UBA6: variants seen among roughly 807,000 people sequenced by gnomAD.
UBA6 encodes the protein ubiquitin-like modifier-activating enzyme 6.
Under a neutral mutation model 148.3 loss-of-function variants are expected in UBA6, and 87 were observed. The observed-to-expected ratio is 0.59, with a 90% CI of 0.49 to 0.70. The LOEUF (loss-of-function observed/expected upper bound fraction) is 0.70. UBA6 is among the 30% of genes least tolerant of loss of function. The probability of loss-of-function intolerance (pLI) is 0.00; values close to 1 mark genes in which losing one functional copy is unlikely to be tolerated. For synonymous variants in UBA6, 376 were observed against 401.0 expected (o/e 0.94, Z 0.75); for missense variants, 1,186 against 1,241.2 (o/e 0.96, Z 0.67).
At chr4:67,628,961 A>G in intron 27 of UBA6, 110 bp downstream of exon 27, 1 of 758,644 alleles carries the variant, frequency 1.3e-6, no homozygotes. Context: ...TGCACTGACA[A>G]GAGCAAGAGC....
Position 67,638,620 on chromosome 4 carries a change from C to T in UBA6, c.1736+323G>A, listed in dbSNP as rs182483468. Among the ~76,000 whole-genome samples, 410 of 152,120 alleles carry T rather than the reference C, an allele frequency of 2.7e-3. 1 individual carries two copies. Among genetic ancestry groups the T allele is most frequent in the Non-Finnish European group, 3.7e-3 (249 of 67,996 alleles). ...CCCCAAAGTATTAAAAATAGCTTTA[C>T]AATTCAGAAAAAACAAAAGACAGCC... is the stretch of plus-strand genomic sequence containing the variant. On this transcript the variant is annotated intron_variant, in intron 19 of 32. Coordinates refer to ENST00000322244, the MANE Select transcript of UBA6 (RefSeq NM_018227.6).
In UBA6 at chr4:67,630,458, T is replaced by C; in HGVS notation, c.2328+8A>G. On this transcript the variant is annotated splice_region_variant and intron_variant, in intron 26 of 32. Coordinates refer to ENST00000322244, the MANE Select transcript of UBA6 (RefSeq NM_018227.6). ...GCATCACTTGCTAAGGCTTAAAGAA[T>C]ATCTTACCTCTTCTGCAAATGGAAT... is the stretch of plus-strand genomic sequence containing the variant. 3.8e-6 allele frequency: 6 copies of C among 1,577,074 alleles called. No individual in the cohort carries two copies. The highest frequency in any genetic ancestry group is 5.2e-6 in the Non-Finnish European group (6 of 1,159,408).
intron 13 of UBA6, among the ~76,000 whole-genome samples, chr4:67,657,540 G>T (rs1729729903): frequency 6.6e-6 from 1 of 152,120 alleles, no homozygotes; most frequent in East Asian, 1.9e-4. Flanking sequence ...ATGGATTAAA[G>T]AATTAAATGT....
rs926932135 is a variant in UBA6 at position 67,616,855 on chromosome 4, T to C, written c.*2142A>G. On this transcript the variant is annotated 3_prime_UTR_variant, in exon 33 of 33. Transcript: ENST00000322244. ...ATAAGTAAAAAATACTCATTGAAACTGTACAAAAATCAAATCATTAATTTT... is the reference window on the plus strand; with the variant it reads ...ATAAGTAAAAAATACTCATTGAAACCGTACAAAAATCAAATCATTAATTTT... 1.3e-5 allele frequency: 2 copies of C among 152,150 alleles called. No homozygotes were observed. Among genetic ancestry groups the C allele is most frequent in the African/African-American group, 4.8e-5 (2 of 41,456 alleles). 9.4% of individuals were successfully genotyped at this position (152,150 alleles called of 1,614,324 possible).
intron 18 of UBA6, 37 bp from the exon 19 acceptor site, chr4:67,639,161 C>T: frequency 6.6e-7 from 1 of 1,513,540 alleles, no homozygotes; most frequent in Non-Finnish European, 8.9e-7. Context: ...ATATGTTAAA[C>T]AACAAAAAAA....
intron 26 of UBA6, among the ~76,000 whole-genome samples, chr4:67,629,563 A>C (rs535061884): frequency 3.9e-5 from 6 of 152,122 alleles, no homozygotes; most frequent in Non-Finnish European, 8.8e-5. Flanking sequence ...TCATACCTTA[A>C]GAAGGAGGGA....
In UBA6 at chr4:67,691,917, G is replaced by A. The variant is rs537763540; in HGVS notation, c.134+4728C>T. On this transcript the variant is annotated intron_variant, in intron 2 of 32. Coordinates refer to ENST00000322244, the MANE Select transcript of UBA6 (RefSeq NM_018227.6). ...GCAGCACTGATATGGGTGCAGGATT[G>A]CTGAAAGAAAGTCATAGACTCTAAC... 3.3e-5 allele frequency among the ~76,000 whole-genome samples: 5 copies of A among 152,268 alleles called. No homozygotes were observed. The East Asian group carries it at 9.6e-4, about 29-fold the overall frequency.
chr4:67,675,781 G>T (rs2109944709), intron 6 of UBA6, among the ~76,000 whole-genome samples: 1 of 127,520 alleles, frequency 7.8e-6, no homozygotes, highest in East Asian at 2.2e-4. Context: ...GGAAAAGAAA[G>T]GAAAAGAAGA....
At chr4:67,671,484 C>T (rs1730147420) in intron 7 of UBA6, among the ~76,000 whole-genome samples, 1 of 148,898 alleles carries the variant, frequency 6.7e-6, no homozygotes. Flanking sequence ...AACTTAGAAG[C>T]TTTTTTTTTA....
In UBA6 at chr4:67,645,959, C is replaced by T; in HGVS notation, c.1374G>A (p.Leu458=). 6.3e-7 allele frequency: 1 copy of T among 1,597,054 alleles called. No homozygotes were observed. ...ACIGDTLCQK[L]QNLNIFLVGC... The stretch of plus-strand genomic sequence containing the variant: ...TTACTAAGAAGATGTTTAAATTTTG[C>T]AGTTTCTGACACAAAGTGTCTCCAA... Residue 458 remains leucine, a synonymous_variant, in exon 16 of 33, where the codon CTG becomes CTA. Coordinates refer to ENST00000322244, the MANE Select transcript of UBA6 (RefSeq NM_018227.6).
At chr4:67,681,852 T>C (rs1033719005) in intron 3 of UBA6, among the ~76,000 whole-genome samples, 9 of 152,204 alleles carry the variant, frequency 5.9e-5, no homozygotes, top group Non-Finnish European at 1.5e-5. Context: ...ATACAGTATA[T>C]GTATGTGTGC....
Position 67,682,099 on chromosome 4 carries a change from G to A in UBA6, c.229+20C>T. The A allele has an allele frequency of 6.4e-7, 1 of 1,567,934 alleles. No homozygotes were observed. The highest frequency in any genetic ancestry group is 1.4e-5 in the African/African-American group (1 of 73,972). ...CATTGCTCAAAAGTGTCAAAAATTA[G>A]GAATATAAATATTGCTTACCAATTT... On this transcript the variant is annotated intron_variant, in intron 3 of 32. Coordinates refer to ENST00000322244, the MANE Select transcript of UBA6 (RefSeq NM_018227.6).
In UBA6 at chr4:67,682,153, G is replaced by C. The variant is rs775555934; in HGVS notation, c.195C>G (p.Phe65Leu). The change falls in exon 3 of 33, where the codon TTC (phenylalanine) becomes TTG (leucine). Residue 65 changes from phenylalanine to leucine, a missense_variant. Physicochemically the swap from Phe to Leu is conservative, Grantham distance 22. Transcript: ENST00000322244. ...AMQKMAKSHV[F>L]LSGMGGLGLE... ...AACCAAGACCACCCATCCCACTTAA[G>C]AAAACATGGGACTTGGCCATCTTCT... The C allele has an allele frequency of 6.2e-7, 1 of 1,613,834 alleles. No individual in the cohort carries two copies. Among genetic ancestry groups the C allele is most frequent in the Non-Finnish European group, 8.5e-7 (1 of 1,179,812 alleles).
rs971163600 is a variant in UBA6, at chr4:67,617,161, G to A, written c.*1836C>T. On this transcript the variant is annotated 3_prime_UTR_variant, in exon 33 of 33. Coordinates refer to ENST00000322244, the MANE Select transcript of UBA6 (RefSeq NM_018227.6). ...CTAAATTTACTTCTGAAGAGCTGTC[G>A]AGACTTCAATAAAATATAAGCAAGT... The A allele has an allele frequency of 1.3e-5, 2 of 152,038 alleles. No individual in the cohort carries two copies. The highest frequency in any genetic ancestry group is 1.5e-5 in the Non-Finnish European group (1 of 67,954). 9.4% of individuals were successfully genotyped at this position (152,038 alleles called of 1,614,324 possible).
At chr4:67,652,900 C>T (rs1401983674) in intron 13 of UBA6, among the ~76,000 whole-genome samples, 4 of 152,240 alleles carry the variant, frequency 2.6e-5, no homozygotes, top group African/African-American at 9.6e-5. Context: ...GTGGATCCCA[C>T]GCCCATGGAG....
At chr4:67,649,621 T>A (rs1261056497) in intron 13 of UBA6, among the ~76,000 whole-genome samples, 2 of 152,088 alleles carry the variant, frequency 1.3e-5, no homozygotes, top group East Asian at 3.8e-4. Context: ...TAAAGGAAAA[T>A]AAAATGATCT....
At chr4:67,692,066 C>T (rs1730706695) in intron 2 of UBA6, among the ~76,000 whole-genome samples, 1 of 152,036 alleles carries the variant, frequency 6.6e-6, no homozygotes, top group African/African-American at 2.4e-5. Context: ...TGTTTGGTTA[C>T]TTAAGTTCTT....
intron 8 of UBA6, among the ~76,000 whole-genome samples, chr4:67,668,900 G>A (rs1369617034): frequency 2.0e-5 from 3 of 152,128 alleles, no homozygotes; most frequent in African/African-American, 7.2e-5. Context: ...TCTATGTTTG[G>A]TAGGAGATGT....
At position 67,634,084 on chromosome 4, in the gene UBA6, T is replaced by A. The variant is rs908853171; in HGVS notation, c.2013+158A>T. Among the ~76,000 whole-genome samples, 6 of 152,240 alleles carry A rather than the reference T, an allele frequency of 3.9e-5. 1 individual carries two copies. The highest frequency in any genetic ancestry group is 1.4e-4 in the African/African-American group (6 of 41,574). Reference sequence around the variant, plus strand: ...CATGTAGTTCAAACAACCAAAATGATAATTTGTGACCTAATTTCAAGATTC... The same window carrying A: ...CATGTAGTTCAAACAACCAAAATGAAAATTTGTGACCTAATTTCAAGATTC... On this transcript the variant is annotated intron_variant, in intron 22 of 32. Coordinates refer to ENST00000322244, the MANE Select transcript of UBA6 (RefSeq NM_018227.6).
Sources: allele counts gnomAD v4.1 joint callset (sites outside exome capture counted in the v4.1 genomes callset), GRCh38; gene constraint gnomAD v4.1.1; transcripts MANE v1.5; gene names NCBI Gene and HGNC (gene_info 2026-07-23, HGNC 2026-07-21).